ASAH2B: variants seen among roughly 807,000 people sequenced by gnomAD.
ASAH2B encodes putative inactive neutral ceramidase B.
A neutral mutation model predicts 2.9 loss-of-function variants in ASAH2B; 1 was observed. The observed-to-expected ratio is 0.34, with a 90% CI of 0.12 to 1.63. ASAH2B has a LOEUF of 1.63. ASAH2B is among the 40% of genes most tolerant of loss of function. ASAH2B has a pLI of 0.36. For synonymous variants in ASAH2B, 4 were observed against 13.3 expected (o/e 0.30, Z 1.52); for missense variants, 9 against 37.7 (o/e 0.24, Z 1.99).
intron 1 of ASAH2B, among the ~76,000 whole-genome samples, chr10:50,740,587 C>T (rs1839815412): frequency 6.6e-6 from 1 of 152,206 alleles, no homozygotes; most frequent in Admixed American, 6.5e-5. Flanking sequence ...TGGATTTCCT[C>T]TGCAAGTCAG....
intron 1 of ASAH2B, among the ~76,000 whole-genome samples, chr10:50,740,318 T>C (rs1839809569): frequency 6.6e-6 from 1 of 151,922 alleles, no homozygotes; most frequent in South Asian, 2.1e-4. Context: ...AGAGAAACAT[T>C]AGTACAGCTT....
At chr10:50,743,040 G>C (rs767908313) in intron 2 of ASAH2B, 30 bp downstream of exon 2, 6 of 1,569,432 alleles carry the variant, frequency 3.8e-6, no homozygotes, top group Non-Finnish European at 5.2e-6. Context: ...GCGTGCGTGC[G>C]TGCGTGTGTG....
chr10:50,754,079 A>G (rs1837028773), intron 5 of ASAH2B, among the ~76,000 whole-genome samples: 4 of 147,124 alleles, frequency 2.7e-5, no homozygotes, highest in Admixed American at 2.0e-4. Flanking sequence ...CTTGCTCCTT[A>G]CTGTACCCTC....
At position 50,756,505 on chromosome 10, in the gene ASAH2B, G is replaced by A. The variant is rs1434641280; in HGVS notation, c.*1765G>A. On this transcript the variant is annotated 3_prime_UTR_variant, in exon 6 of 6. Transcript: ENST00000647317. ...AAATTATATTAGAACTCATGATATG[G>A]TTTTTTAAAGTATTTGTTATTACTC... 1 of 152,114 alleles carries A rather than the reference G, an allele frequency of 6.6e-6. No individual in the cohort carries two copies. 9.4% of individuals were successfully genotyped at this position (152,114 alleles called of 1,614,324 possible). A position where few individuals can be genotyped will look rare whatever the true frequency, so the allele number is the denominator to read the frequency against.
chr10:50,757,218 A>G lies in ASAH2B; in HGVS notation c.*2478A>G, dbSNP rs1826506168. 1 of 151,530 alleles carries G rather than the reference A, an allele frequency of 6.6e-6. No homozygotes were observed. Among genetic ancestry groups the G allele is most frequent in the South Asian group, 2.1e-4 (1 of 4,820 alleles). The allele number at this position is 151,530 out of a possible 1,614,324, so 9.4% of individuals were successfully genotyped here. On this transcript the variant is annotated 3_prime_UTR_variant, in exon 6 of 6. Transcript: ENST00000647317. ...TGTCTAATGAAAGGTAATGTAGACA[A>G]ACGAACACTTTTTTAAAAAAAGAGG...
chr10:50,743,638 A>C (rs1389210217), intron 2 of ASAH2B: 1 of 152,554 alleles, frequency 6.6e-6, no homozygotes, highest in Non-Finnish European at 1.5e-5. Context: ...TCTACCTAAA[A>C]TATATACCAC....
chr10:50,745,848 T>G (rs2259978), intron 3 of ASAH2B, among the ~76,000 whole-genome samples: 1 of 147,494 alleles, frequency 6.8e-6, no homozygotes. Flanking sequence ...TTTTTAAAAA[T>G]TTTTATTTAA....
At chr10:50,747,699 G>T (rs185109592) in intron 3 of ASAH2B, among the ~76,000 whole-genome samples, 6 of 151,580 alleles carry the variant, frequency 4.0e-5, no homozygotes, top group Non-Finnish European at 5.9e-5. Flanking sequence ...TTTTAATAAG[G>T]TATTTGCATT....
chr10:50,751,458 C>G (rs1348042159), intron 4 of ASAH2B, among the ~76,000 whole-genome samples: 3 of 149,938 alleles, frequency 2.0e-5, no homozygotes, highest in Non-Finnish European at 4.5e-5. Flanking sequence ...TCAGTCTCTA[C>G]TCTAGACATA....
rs1234522148 is a variant in ASAH2B, at chr10:50,742,933, G to A, written c.-81G>A. ...CCTGCAGGCTCAGCGATATGAGGCA[G>A]CATCGACAATTTATGGACCGCACGC... On this transcript the variant is annotated 5_prime_UTR_variant, in exon 2 of 6. Coordinates refer to ENST00000647317, the MANE Select transcript of ASAH2B (RefSeq NM_001321958.2). 8 of 1,614,066 alleles carry A rather than the reference G, an allele frequency of 5.0e-6. No individual in the cohort carries two copies. The South Asian group carries it at 5.5e-5, about 11-fold the overall frequency.
rs1450292238 is a variant in ASAH2B, at chr10:50,757,851, A to G, written c.*3111A>G. ...ATGCATCCAAACACTAAAGACATTT[A>G]TAACCTCACATAGCAGTAAGTCTTG... On this transcript the variant is annotated 3_prime_UTR_variant, in exon 6 of 6. Transcript: ENST00000647317. 7 of 151,606 alleles carry G rather than the reference A, an allele frequency of 4.6e-5. No individual in the cohort carries two copies. The highest frequency in any genetic ancestry group is 2.4e-5 in the African/African-American group (1 of 41,374). 9.4% of individuals were successfully genotyped at this position (151,606 alleles called of 1,614,324 possible). A position where few individuals can be genotyped will look rare whatever the true frequency, so the allele number is the denominator to read the frequency against.
At chr10:50,742,271 G>C (rs1252665261) in intron 1 of ASAH2B, among the ~76,000 whole-genome samples, 2 of 152,158 alleles carry the variant, frequency 1.3e-5, no homozygotes, top group East Asian at 3.8e-4. Flanking sequence ...AGACTGATAG[G>C]ATACAGGATG....
intron 1 of ASAH2B, among the ~76,000 whole-genome samples, chr10:50,742,103 A>G (rs2820736): frequency 6.6e-6 from 1 of 152,212 alleles, no homozygotes; most frequent in Non-Finnish European, 1.5e-5. Flanking sequence ...AAACCTGCAC[A>G]TGTACCTCTG....
intron 3 of ASAH2B, among the ~76,000 whole-genome samples, chr10:50,747,852 T>G (rs1157550332): frequency 6.6e-6 from 1 of 151,672 alleles, no homozygotes; most frequent in Non-Finnish European, 1.5e-5. Context: ...AGTTTTCTTT[T>G]TATGTGTTGT....
chr10:50,748,290 A>G (rs1214827796), intron 3 of ASAH2B, among the ~76,000 whole-genome samples: 44 of 115,952 alleles, frequency 3.8e-4, no homozygotes, highest in African/African-American at 1.2e-3. Flanking sequence ...TAATTTTGGT[A>G]ATTTGTGTCC....
Position 50,742,926 on chromosome 10 carries a change from T to C in ASAH2B, c.-88T>C, listed in dbSNP as rs1287271266. 6.2e-7 allele frequency: 1 copy of C among 1,614,062 alleles called. No homozygotes were observed. Among genetic ancestry groups the C allele is most frequent in the Non-Finnish European group, 8.5e-7 (1 of 1,179,926 alleles). On this transcript the variant is annotated 5_prime_UTR_variant, in exon 2 of 6. An upstream start codon of the reference 5' UTR is lost. Coordinates refer to ENST00000647317, the MANE Select transcript of ASAH2B (RefSeq NM_001321958.2). ...TGCCTTTCCTGCAGGCTCAGCGATA[T>C]GAGGCAGCATCGACAATTTATGGAC... is the stretch of plus-strand genomic sequence containing the variant.
intron 5 of ASAH2B, among the ~76,000 whole-genome samples, chr10:50,754,073 C>G (rs1837028723): frequency 6.8e-6 from 1 of 146,696 alleles, no homozygotes; most frequent in Non-Finnish European, 1.5e-5. Flanking sequence ...ATCTATCTTG[C>G]TCCTTACTGT....
intron 1 of ASAH2B, among the ~76,000 whole-genome samples, 154 bp from the exon 2 acceptor site, chr10:50,742,761 A>G (rs1341279822): frequency 1.3e-5 from 2 of 152,196 alleles, no homozygotes; most frequent in African/African-American, 2.4e-5. Context: ...GTAAATGGAA[A>G]TGCCCATCCT....
chr10:50,756,745 A>G lies in ASAH2B; in HGVS notation c.*2005A>G, dbSNP rs1209884428. 5.9e-5 allele frequency: 9 copies of G among 152,034 alleles called. No homozygotes were observed. In the South Asian group the frequency reaches 6.2e-4, roughly 10 times the overall value. The allele number at this position is 152,034 out of a possible 1,614,324, so 9.4% of individuals were successfully genotyped here. On this transcript the variant is annotated 3_prime_UTR_variant, in exon 6 of 6. Coordinates refer to ENST00000647317, the MANE Select transcript of ASAH2B (RefSeq NM_001321958.2). The stretch of plus-strand genomic sequence containing the variant: ...CATTTCTTCTAGGGCATGCAGTTCT[A>G]TGTTCACAGTTCATGTGTAAAAATA...
Sources: gnomAD v4.1 joint callset for allele counts (sites outside exome capture counted in the v4.1 genomes callset) on GRCh38, gnomAD v4.1.1 for gene constraint, MANE v1.5 for transcripts, NCBI Gene and HGNC (gene_info 2026-07-23, HGNC 2026-07-21) for gene names.